The following NDFIP2 variants were observed in gnomAD, a reference collection of about 807,000 sequenced individuals.
The protein encoded by NDFIP2 is Nedd4 family interacting protein 2.
Under a neutral mutation model 36.0 loss-of-function variants are expected in NDFIP2, and 19 were observed. That is an observed-to-expected ratio of 0.53 (90% CI 0.37 to 0.77). The LOEUF is 0.77. Among genes scored for constraint, NDFIP2 ranks in the 30% least tolerant of loss-of-function variants. The pLI, the probability that NDFIP2 is intolerant of heterozygous loss-of-function variation, is 0.00. For synonymous variants in NDFIP2, 181 were observed against 167.7 expected (o/e 1.08, Z -0.61); for missense variants, 446 against 435.8 (o/e 1.02, Z -0.21).
chr13:79,507,763 ATAGT>A (rs1873925736), intron 1 of NDFIP2, among the ~76,000 whole-genome samples: 1 of 148,648 alleles, frequency 6.7e-6, no homozygotes, highest in Non-Finnish European at 1.5e-5. Flanking sequence ...AAAGTAAAAG[ATAGT>A]TCTATATCCA....
At chr13:79,481,772 G>C (rs57560404) in intron 1 of NDFIP2, among the ~76,000 whole-genome samples, 6,492 of 151,934 alleles carry the variant, frequency 0.043, 472 homozygotes, top group African/African-American at 0.15. Context: ...CCTTAGCCCC[G>C]CTGTGAGACG....
chr13:79,518,310 A>C (rs942993020), intron 1 of NDFIP2, among the ~76,000 whole-genome samples: 4 of 152,192 alleles, frequency 2.6e-5, no homozygotes, highest in Non-Finnish European at 4.4e-5. Flanking sequence ...AATTGATCTC[A>C]TTATGTAAAT....
chr13:79,503,860 T>C (rs909204711), intron 1 of NDFIP2, among the ~76,000 whole-genome samples: 3 of 152,186 alleles, frequency 2.0e-5, no homozygotes, highest in African/African-American at 7.2e-5. Context: ...TCTGGCAGGC[T>C]GTATGGACAG....
At chr13:79,491,635 G>T (rs760551486) in intron 1 of NDFIP2, among the ~76,000 whole-genome samples, 3 of 152,126 alleles carry the variant, frequency 2.0e-5, no homozygotes, top group Non-Finnish European at 2.9e-5. Flanking sequence ...TCAATTGTAT[G>T]TGTATTCGCA....
At chr13:79,522,375 A>C (rs1304929517) in intron 2 of NDFIP2, among the ~76,000 whole-genome samples, 1 of 152,248 alleles carries the variant, frequency 6.6e-6, no homozygotes, top group Non-Finnish European at 1.5e-5. Context: ...ATTTTGAAGA[A>C]AGAAAATGAG....
At chr13:79,537,021 G>T (rs927454088) in intron 3 of NDFIP2, among the ~76,000 whole-genome samples, 2 of 151,862 alleles carry the variant, frequency 1.3e-5, no homozygotes, top group African/African-American at 4.8e-5. Context: ...CTGCACTCCA[G>T]CCTGGGTGAG....
intron 2 of NDFIP2, among the ~76,000 whole-genome samples, chr13:79,527,335 A>C (rs1874841258): frequency 1.3e-5 from 2 of 152,366 alleles, no homozygotes; most frequent in Middle Eastern, 3.4e-3. Flanking sequence ...ATATAAAATG[A>C]CATATATGAT....
At chr13:79,489,947 G>T (rs1444537410) in intron 1 of NDFIP2, among the ~76,000 whole-genome samples, 1 of 152,296 alleles carries the variant, frequency 6.6e-6, no homozygotes, top group East Asian at 1.9e-4. Context: ...GCCCTGGCCT[G>T]TGATGAGGAA....
intron 6 of NDFIP2, among the ~76,000 whole-genome samples, chr13:79,550,578 T>C (rs1365298424): frequency 6.6e-6 from 1 of 151,550 alleles, no homozygotes; most frequent in Non-Finnish European, 1.5e-5. Context: ...CTCATAATTG[T>C]TAGTAACCTC....
At chr13:79,532,710 T>G (rs1875063742) in intron 2 of NDFIP2, among the ~76,000 whole-genome samples, 1 of 152,136 alleles carries the variant, frequency 6.6e-6, no homozygotes, top group African/African-American at 2.4e-5. Flanking sequence ...TGAATTTGCT[T>G]AAGAGATTAG....
chr13:79,548,250 T>C (rs1431692261), intron 5 of NDFIP2, 78 bp from the exon 6 acceptor site: 1 of 1,096,562 alleles, frequency 9.1e-7, no homozygotes, highest in Non-Finnish European at 1.4e-6. Context: ...AAGTAAATCA[T>C]TATGAAACTG....
chr13:79,500,517 C>T (rs942429532), intron 1 of NDFIP2, among the ~76,000 whole-genome samples: 17 of 151,872 alleles, frequency 1.1e-4, no homozygotes, highest in African/African-American at 3.9e-4. Context: ...GGACAAAAAC[C>T]TTAAGAGACA....
intron 1 of NDFIP2, among the ~76,000 whole-genome samples, chr13:79,490,500 C>T (rs1207192439): frequency 6.6e-6 from 1 of 152,042 alleles, no homozygotes; most frequent in African/African-American, 2.4e-5. Flanking sequence ...CTGTAAAGGG[C>T]TAGATAGTAT....
At chr13:79,521,899 A>C (rs1198132753) in intron 2 of NDFIP2, among the ~76,000 whole-genome samples, 2 of 143,548 alleles carry the variant, frequency 1.4e-5, no homozygotes, top group African/African-American at 5.3e-5. Context: ...ATCTCGGCTC[A>C]CTGCAAGCTC....
chr13:79,535,777 G>A (rs1594856827), intron 3 of NDFIP2, among the ~76,000 whole-genome samples: 2 of 148,026 alleles, frequency 1.4e-5, no homozygotes, highest in South Asian at 4.1e-4. Flanking sequence ...GATTTTAAGC[G>A]TTCTTGCACA....
chr13:79,555,036 G>A lies in NDFIP2; in HGVS notation c.*2523G>A, dbSNP rs1343516671. 1 of 151,370 alleles carries A rather than the reference G, an allele frequency of 6.6e-6. No homozygotes were observed. Among genetic ancestry groups the A allele is most frequent in the Non-Finnish European group, 1.5e-5 (1 of 67,706 alleles). The allele number at this position is 151,370 out of a possible 1,614,324, so 9.4% of individuals were successfully genotyped here. On this transcript the variant is annotated 3_prime_UTR_variant, in exon 8 of 8. Transcript: ENST00000218652. ...ACATTTGGTTAAAATGAAAATCTCT[G>A]CTTAATGGAAAAAATACTAATCTTT...
chr13:79,509,205 A>G (rs1056870194), intron 1 of NDFIP2, among the ~76,000 whole-genome samples: 3 of 152,150 alleles, frequency 2.0e-5, no homozygotes, highest in African/African-American at 7.2e-5. Flanking sequence ...GCTTGTATAC[A>G]TTTTAGAGAG....
chr13:79,503,215 CTG>C (rs1361559899), intron 1 of NDFIP2, among the ~76,000 whole-genome samples: 12 of 152,148 alleles, frequency 7.9e-5, no homozygotes, highest in African/African-American at 2.9e-4. Context: ...ATTGGAACAC[CTG>C]CCATGGTGTC....
At chr13:79,495,605 G>A (rs1430144626) in intron 1 of NDFIP2, among the ~76,000 whole-genome samples, 1 of 151,714 alleles carries the variant, frequency 6.6e-6, no homozygotes, top group Non-Finnish European at 1.5e-5. Context: ...AACCTATCTA[G>A]GTCCTTTAAA....
Sources: gnomAD v4.1 joint callset for allele counts (sites outside exome capture counted in the v4.1 genomes callset) on GRCh38, gnomAD v4.1.1 for gene constraint, MANE v1.5 for transcripts, NCBI Gene and HGNC (gene_info 2026-07-23, HGNC 2026-07-21) for gene names.